Variants in CLVS1 observed in about 807,000 individuals in gnomAD.
CLVS1 encodes clavesin-1.
In CLVS1, 10 loss-of-function variants were observed where a neutral mutation model predicts 33.1. That is an observed-to-expected ratio of 0.30 (90% CI 0.19 to 0.51). CLVS1 has a LOEUF of 0.51. CLVS1 is among the 20% of genes least tolerant of loss of function. CLVS1 has a pLI of 0.97. For synonymous variants in CLVS1, 163 were observed against 166.1 expected, an observed-to-expected ratio of 0.98 and a Z score of 0.14; for missense variants, 343 against 433.4, an observed-to-expected ratio of 0.79 and a Z score of 1.85.
chr8:61,303,031 G>A (rs977553079), intron 2 of CLVS1, among the ~76,000 whole-genome samples: 3 of 152,142 alleles, frequency 2.0e-5, no homozygotes, highest in African/African-American at 7.2e-5. Context: ...CCACCTCCAA[G>A]ACTGAGGATT....
chr8:61,147,557 G>T (rs528269197), intron 2 of CLVS1, among the ~76,000 whole-genome samples: 52 of 152,092 alleles, frequency 3.4e-4, no homozygotes, highest in South Asian at 2.1e-4. Context: ...TCTTGTGTGG[G>T]TTTCTTTTCT....
the CLVS1 span, chr8:60,965,307 G>A: frequency 6.6e-6 from 1 of 152,340 alleles, no homozygotes; most frequent in Admixed American, 6.5e-5. Flanking sequence ...AGGGAAGTGA[G>A]GGGCACACGG....
intron 1 of CLVS1, among the ~76,000 whole-genome samples, chr8:61,064,134 C>T (rs182953388): frequency 1.7e-3 from 256 of 152,268 alleles, no homozygotes; most frequent in Non-Finnish European, 2.6e-3. Flanking sequence ...TCTTGGCAGA[C>T]ATTTGGATTT....
intron 1 of CLVS1, among the ~76,000 whole-genome samples, chr8:61,104,386 T>A (rs1051785279): frequency 1.3e-5 from 2 of 152,236 alleles, no homozygotes; most frequent in African/African-American, 4.8e-5. Context: ...AGCGTGTATG[T>A]CTCTCTTGCA....
At chr8:61,364,969 T>A (rs1027469752) in intron 2 of CLVS1, among the ~76,000 whole-genome samples, 1 of 152,214 alleles carries the variant, frequency 6.6e-6, no homozygotes, top group Non-Finnish European at 1.5e-5. Context: ...TTGCACACTG[T>A]TATCAGAGTT....
At chr8:61,450,948 C>T (rs78303621) in intron 3 of CLVS1, among the ~76,000 whole-genome samples, 97 of 152,214 alleles carry the variant, frequency 6.4e-4, no homozygotes, top group African/African-American at 1.4e-3. Context: ...ATGTCACTTT[C>T]GGAGCCAGCT....
intron 3 of CLVS1, among the ~76,000 whole-genome samples, chr8:61,383,630 A>G (rs1286507047): frequency 6.6e-6 from 1 of 152,240 alleles, no homozygotes; most frequent in South Asian, 2.1e-4. Flanking sequence ...AGGAATAAAT[A>G]TCTCCTCCAA....
At chr8:61,209,091 T>TAGCA in intron 2 of CLVS1, among the ~76,000 whole-genome samples, 1 of 152,238 alleles carries the variant, frequency 6.6e-6, no homozygotes, top group Non-Finnish European at 1.5e-5. Flanking sequence ...ATTTAGAAGC[T>TAGCA]ATTTTAATAA....
intron 3 of CLVS1, among the ~76,000 whole-genome samples, chr8:61,436,234 A>C (rs1011438155): frequency 2.0e-5 from 3 of 152,172 alleles, no homozygotes; most frequent in Non-Finnish European, 4.4e-5. Context: ...TCATAAATGC[A>C]CTGCAATGTA....
chr8:61,418,486 G>A (rs28493454), intron 3 of CLVS1, among the ~76,000 whole-genome samples: 13,540 of 152,108 alleles, frequency 0.089, 625 homozygotes, highest in African/African-American at 0.1. Context: ...CCACTCTTCT[G>A]CTATAGGCAA....
At chr8:61,078,652 G>C (rs1804968371) in intron 1 of CLVS1, among the ~76,000 whole-genome samples, 2 of 152,262 alleles carry the variant, frequency 1.3e-5, no homozygotes, top group African/African-American at 4.8e-5. Context: ...ACACTTTTGA[G>C]TCCACTAATG....
chr8:61,445,775 C>T (rs540822914), intron 3 of CLVS1, among the ~76,000 whole-genome samples: 1 of 152,220 alleles, frequency 6.6e-6, no homozygotes, highest in South Asian at 2.1e-4. Context: ...GTGGAATCTC[C>T]TAGTAAAATC....
At chr8:60,968,460 G>A in the CLVS1 span, among the ~76,000 whole-genome samples, 1 of 149,630 alleles carries the variant, frequency 6.7e-6, no homozygotes, top group African/African-American at 2.5e-5. Flanking sequence ...AGGTTGCAGT[G>A]AGCTGACATT....
intron 2 of CLVS1, among the ~76,000 whole-genome samples, chr8:61,227,360 T>C (rs1018102439): frequency 9.9e-5 from 15 of 152,110 alleles, no homozygotes; most frequent in Admixed American, 7.9e-4. Flanking sequence ...CTGTAAAATC[T>C]GATTCTGGGA....
chr8:61,041,552 A>G, the CLVS1 span, among the ~76,000 whole-genome samples: 1 of 152,072 alleles, frequency 6.6e-6, no homozygotes, highest in Non-Finnish European at 1.5e-5. Context: ...CTCCTTGGTT[A>G]GCTGTATTCC....
chr8:61,041,313 T>A, the CLVS1 span, among the ~76,000 whole-genome samples: 1 of 152,172 alleles, frequency 6.6e-6, no homozygotes, highest in Non-Finnish European at 1.5e-5. Flanking sequence ...ATTCAGGCTT[T>A]TTTTTTGGTT....
In CLVS1 at chr8:61,173,000, C is replaced by T. The variant is rs1038843982; in HGVS notation, c.-152+41140C>T. On this transcript the variant is annotated intron_variant, in intron 2 of 2. Transcript: ENST00000522621. Reference sequence around the variant, plus strand: ...TTCAATGGAGGCTGGGAATTATATTCTGGCTTGTGTGTCCAGTAAGAATAG... The same window carrying T: ...TTCAATGGAGGCTGGGAATTATATTTTGGCTTGTGTGTCCAGTAAGAATAG... 3.3e-5 allele frequency among the ~76,000 whole-genome samples: 5 copies of T among 152,302 alleles called. No individual in the cohort carries two copies. In the East Asian group the frequency reaches 7.7e-4, roughly 24 times the overall value.
At chr8:61,473,771 A>G (rs894965482) in intron 5 of CLVS1, among the ~76,000 whole-genome samples, 5 of 152,224 alleles carry the variant, frequency 3.3e-5, no homozygotes, top group African/African-American at 9.7e-5. Flanking sequence ...AGGAATGACC[A>G]GAGGTCTTTT....
chr8:61,134,145 A>G (rs923571578), intron 2 of CLVS1, among the ~76,000 whole-genome samples: 2 of 152,180 alleles, frequency 1.3e-5, no homozygotes, highest in Admixed American at 6.5e-5. Context: ...AAATTTAAGG[A>G]CACACAGTCA....
Sources: allele counts gnomAD v4.1 joint callset (sites outside exome capture counted in the v4.1 genomes callset), GRCh38; gene constraint gnomAD v4.1.1; transcripts MANE v1.5; gene names NCBI Gene and HGNC (gene_info 2026-07-23, HGNC 2026-07-21).